OLFML2A: variants seen among roughly 807,000 people sequenced by gnomAD.
OLFML2A encodes olfactomedin like 2A.
In OLFML2A, 47 loss-of-function variants were observed where a neutral mutation model predicts 60.9. The observed-to-expected ratio is 0.77, with a 90% CI of 0.61 to 0.98. OLFML2A has a LOEUF of 0.98. OLFML2A is among the 50% of genes least tolerant of loss of function. The pLI is 0.00. For synonymous variants in OLFML2A, 372 were observed against 375.0 expected (o/e 0.99, Z 0.09); for missense variants, 922 against 879.8 (o/e 1.05, Z -0.61).
Position 124,794,770 on chromosome 9 carries a change from C to T in OLFML2A, c.355-254C>T, listed in dbSNP as rs138120604. 7.4e-3 allele frequency among the ~76,000 whole-genome samples: 1,128 copies of T among 152,272 alleles called. 11 individuals are homozygous for T. Among genetic ancestry groups the T allele is most frequent in the Non-Finnish European group, 0.011 (734 of 68,018 alleles). Reference sequence around the variant, plus strand: ...CCAAGTAGCTGGGACTACAGGCACACACCACTGTGCCTGGCTAATTTTTGT... The same window carrying T: ...CCAAGTAGCTGGGACTACAGGCACATACCACTGTGCCTGGCTAATTTTTGT... On this transcript the variant is annotated intron_variant, in intron 2 of 7. Transcript: ENST00000373580.
chr9:124,805,876 C>T (rs745902257), intron 6 of OLFML2A, among the ~76,000 whole-genome samples: 9 of 123,182 alleles, frequency 7.3e-5, no homozygotes, highest in South Asian at 2.7e-4. Flanking sequence ...AGTGCAGTAG[C>T]GTGATCTCAG....
intron 3 of OLFML2A, among the ~76,000 whole-genome samples, chr9:124,797,187 C>T (rs1407368645): frequency 2.6e-5 from 4 of 152,278 alleles, no homozygotes; most frequent in African/African-American, 9.6e-5. Flanking sequence ...TACCATGTTG[C>T]TCATGCTGGT....
intron 4 of OLFML2A, among the ~76,000 whole-genome samples, chr9:124,800,423 C>T (rs147390954): frequency 2.2e-4 from 34 of 152,312 alleles, no homozygotes; most frequent in East Asian, 5.8e-4. Flanking sequence ...GGAGGAGGGG[C>T]GACCCCTGCC....
chr9:124,792,132 A>G (rs1841580328), intron 2 of OLFML2A, among the ~76,000 whole-genome samples: 1 of 152,236 alleles, frequency 6.6e-6, no homozygotes, highest in Admixed American at 6.5e-5. Context: ...GCGCCCGGAA[A>G]AGATCAGCAC....
intron 1 of OLFML2A, 52 bp from the exon 2 acceptor site, chr9:124,786,923 A>T: frequency 6.4e-7 from 1 of 1,563,590 alleles, no homozygotes; most frequent in Non-Finnish European, 8.7e-7. Flanking sequence ...CCTCCCTGCC[A>T]TAGCACTGCC....
rs1841967814 is a variant in OLFML2A, at chr9:124,809,856, G to A, written c.1403G>A (p.Gly468Asp). 6.2e-7 allele frequency: 1 copy of A among 1,613,858 alleles called. No individual in the cohort carries two copies. Among genetic ancestry groups the A allele is most frequent in the Non-Finnish European group, 8.5e-7 (1 of 1,179,926 alleles). Residue 468 changes from glycine to aspartate, a missense_variant, in exon 8 of 8, where the codon GGC becomes GAC. Physicochemically the swap from Gly to Asp is moderately conservative, Grantham distance 94. Transcript: ENST00000373580. ...CTACCCTACAACTGGATCGGCACAGGCCACGTGGTGTACCAGGGCGCCTTC... is the reference window on the plus strand; with the variant it reads ...CTACCCTACAACTGGATCGGCACAGACCACGTGGTGTACCAGGGCGCCTTC... ...YKLPYNWIGT[G>D]HVVYQGAFYY...
intron 2 of OLFML2A, 151 bp downstream of exon 2, chr9:124,787,389 C>A: frequency 1.4e-6 from 1 of 707,714 alleles, no homozygotes; most frequent in Non-Finnish European, 2.3e-6. Flanking sequence ...GAGGGGAAGT[C>A]ACTTCTTGCC....
At chr9:124,804,011 G>GAT in intron 5 of OLFML2A, 83 bp from the exon 6 acceptor site, 1 of 1,491,740 alleles carries the variant, frequency 6.7e-7, no homozygotes, top group Admixed American at 1.9e-5. Flanking sequence ...GGGCCCCTGA[G>GAT]ATGGGGGCCC....
intron 1 of OLFML2A, among the ~76,000 whole-genome samples, chr9:124,783,899 G>A (rs1841408329): frequency 6.6e-6 from 1 of 152,180 alleles, no homozygotes; most frequent in African/African-American, 2.4e-5. Flanking sequence ...CTAGATGAAG[G>A]GATAGAGAGT....
intron 5 of OLFML2A, among the ~76,000 whole-genome samples, chr9:124,802,307 C>T (rs1251242938): frequency 2.0e-5 from 3 of 152,208 alleles, no homozygotes; most frequent in East Asian, 1.9e-4. Flanking sequence ...CACTAAGACC[C>T]GCCCCAGATG....
chr9:124,799,487 C>T lies in OLFML2A; in HGVS notation c.665C>T (p.Ala222Val), dbSNP rs1430075285. 1.3e-6 allele frequency: 2 copies of T among 1,589,596 alleles called. No individual in the cohort carries two copies. Among genetic ancestry groups the T allele is most frequent in the Admixed American group, 3.6e-5 (2 of 55,470 alleles). ...ATPATGTGSK[A>V]QDTARGKGKD... ...CCTGCCACGGGCACTGGTAGCAAGG[C>T]CCAGGTGAGGCCCCAGCTCTGATCA... The change falls in exon 4 of 8, where the codon GCC (alanine) becomes GTC (valine). Residue 222 changes from alanine to valine, a missense_variant. Coordinates refer to ENST00000373580, the MANE Select transcript of OLFML2A (RefSeq NM_182487.4).
At position 124,777,254 on chromosome 9, in the gene OLFML2A, A is replaced by C. The variant is rs1212819533; in HGVS notation, c.-17A>C. The C allele has an allele frequency of 1.2e-5, 13 of 1,066,498 alleles. No individual in the cohort carries two copies. The Admixed American group carries it at 5.4e-4, about 44-fold the overall frequency. 66.1% of individuals were successfully genotyped at this position (1,066,498 alleles called of 1,614,324 possible). ...CGTCCGTGCCCGGCCGCCTGTGCCT[A>C]CCGTGCCCGTGGCGCCATGGCCGCT... On this transcript the variant is annotated 5_prime_UTR_variant, in exon 1 of 8. Transcript: ENST00000373580. The surrounding 1 kb of genome is among the most constrained non-coding windows in gnomAD (Gnocchi z 6.2).
intron 1 of OLFML2A, among the ~76,000 whole-genome samples, chr9:124,784,943 G>GTTGTTTTTT (rs1841429446): frequency 7.2e-5 from 5 of 69,542 alleles, no homozygotes; most frequent in African/African-American, 3.2e-4. Flanking sequence ...CCTTTTACTT[G>GTTGTTTTTT]TTTTTTTTTT....
In OLFML2A at chr9:124,782,360, A is replaced by G. The variant is rs149536997; in HGVS notation, c.91-4615A>G. Reference sequence around the variant, plus strand: ...CACAGAGAGGTAGAAAATTGTGAGCAAATGGCAGGAAGAGTTATCAGCAGT... The same window carrying G: ...CACAGAGAGGTAGAAAATTGTGAGCGAATGGCAGGAAGAGTTATCAGCAGT... On this transcript the variant is annotated intron_variant, in intron 1 of 7. Coordinates refer to ENST00000373580, the MANE Select transcript of OLFML2A (RefSeq NM_182487.4). Among the ~76,000 whole-genome samples the G allele has an allele frequency of 3.5e-3, 540 of 152,360 alleles. 4 individuals carry two copies. Among genetic ancestry groups the G allele is most frequent in the African/African-American group, 9.4e-3 (390 of 41,588 alleles).
intron 7 of OLFML2A, 60 bp from the exon 8 acceptor site, chr9:124,809,748 G>A (rs1445713987): frequency 2.9e-5 from 45 of 1,543,358 alleles, no homozygotes; most frequent in Non-Finnish European, 3.8e-5. Context: ...TGGGCTCAGG[G>A]GATGTGGGTG....
At chr9:124,786,749 GACACACACACACAC>G (rs3138850) in intron 1 of OLFML2A, among the ~76,000 whole-genome samples, 211 of 129,812 alleles carry the variant, frequency 1.6e-3, no homozygotes, top group African/African-American at 5.0e-3. Context: ...CAGAGACGTA[GACACACACACACAC>G]ACACACACAC....
At chr9:124,807,088 A>T (rs76731963) in intron 6 of OLFML2A, among the ~76,000 whole-genome samples, 56 of 124,224 alleles carry the variant, frequency 4.5e-4, no homozygotes, top group East Asian at 5.4e-4. Context: ...TAATTAAAAA[A>T]ATTTTTTTTT....
At chr9:124,791,254 T>C (rs1365773807) in intron 2 of OLFML2A, among the ~76,000 whole-genome samples, 3 of 152,170 alleles carry the variant, frequency 2.0e-5, no homozygotes, top group African/African-American at 4.8e-5. Context: ...AGGGCATTTC[T>C]GGGTAATGGA....
intron 2 of OLFML2A, among the ~76,000 whole-genome samples, chr9:124,787,855 G>C (rs1003796300): frequency 6.6e-5 from 10 of 151,714 alleles, no homozygotes; most frequent in African/African-American, 2.4e-4. Flanking sequence ...CACCGTGCCC[G>C]GCCTTCTCTG....
Sources: gnomAD v4.1 joint callset for allele counts (sites outside exome capture counted in the v4.1 genomes callset) on GRCh38, gnomAD v4.1.1 for gene constraint, Gnocchi (gnomAD v3.1) non-coding constraint, MANE v1.5 for transcripts, NCBI Gene and HGNC (gene_info 2026-07-23, HGNC 2026-07-21) for gene names.